Variants in DYM observed in about 807,000 individuals in gnomAD.
The protein encoded by DYM is dyggve-Melchior-Clausen syndrome protein.
A neutral mutation model predicts 93.1 loss-of-function variants in DYM; 78 were observed. That is an observed-to-expected ratio of 0.84 (90% confidence interval 0.70 to 1.01). The LOEUF is 1.01. Ranked by LOEUF, DYM falls within the 50% of genes least tolerant of loss-of-function variation. The pLI is 0.00. For synonymous variants in DYM, 321 were observed against 319.7 expected (o/e 1.00, Z -0.04); for missense variants, 789 against 845.0 (o/e 0.93, Z 0.82).
At chr18:49,080,756 C>T (rs1268305078) in intron 17 of DYM, among the ~76,000 whole-genome samples, 8 of 146,512 alleles carry the variant, frequency 5.5e-5, no homozygotes, top group African/African-American at 1.8e-4. Flanking sequence ...GGGGCAGCTC[C>T]GGGCGGAGGG....
intron 10 of DYM, among the ~76,000 whole-genome samples, chr18:49,277,807 A>C (rs2094881344): frequency 6.6e-6 from 1 of 152,224 alleles, no homozygotes; most frequent in Non-Finnish European, 1.5e-5. Context: ...ATGTTTGTTA[A>C]AGCAGTCAGG....
intron 15 of DYM, among the ~76,000 whole-genome samples, chr18:49,148,882 A>G (rs2085474602): frequency 6.6e-6 from 1 of 152,214 alleles, no homozygotes; most frequent in Admixed American, 6.5e-5. Context: ...TTTTCCACGG[A>G]TGCAGGGTGG....
At position 49,041,756 on chromosome 18, in the gene DYM, G is replaced by A. The variant is rs1222396535; in HGVS notation, c.*2299C>T. The A allele has an allele frequency of 6.6e-6, 1 of 152,258 alleles. No individual in the cohort carries two copies. Among genetic ancestry groups the A allele is most frequent in the Non-Finnish European group, 1.5e-5 (1 of 68,084 alleles). 9.4% of individuals were successfully genotyped at this position (152,258 alleles called of 1,614,324 possible). A position where few individuals can be genotyped will look rare whatever the true frequency, so the allele number is the denominator to read the frequency against. On this transcript the variant is annotated 3_prime_UTR_variant, in exon 18 of 18. Coordinates refer to ENST00000675505, the MANE Select transcript of DYM (RefSeq NM_001353214.3). ...GGCACCTCAGTGAGCCCAGAGGCCT[G>A]GAGGAGAGGCTGTATGATTCCCCAG...
intron 10 of DYM, among the ~76,000 whole-genome samples, chr18:49,273,138 C>T (rs1193766204): frequency 2.0e-5 from 3 of 152,138 alleles, no homozygotes; most frequent in Non-Finnish European, 1.5e-5. Context: ...ATGCCTGGGG[C>T]ATACGTGTTT....
At chr18:49,395,841 G>A (rs1353017594) in intron 2 of DYM, among the ~76,000 whole-genome samples, 1 of 152,092 alleles carries the variant, frequency 6.6e-6, no homozygotes, top group Non-Finnish European at 1.5e-5. Context: ...CTATAATTTG[G>A]ATGTTTGATC....
At chr18:49,078,144 C>A (rs368404119) in intron 17 of DYM, among the ~76,000 whole-genome samples, 1 of 152,050 alleles carries the variant, frequency 6.6e-6, no homozygotes, top group African/African-American at 2.4e-5. Context: ...TGACAATATA[C>A]ACTCTTAACT....
At chr18:49,197,653 C>T (rs536659840) in intron 14 of DYM, among the ~76,000 whole-genome samples, 1 of 152,192 alleles carries the variant, frequency 6.6e-6, no homozygotes, top group East Asian at 1.9e-4. Context: ...GAGTAAAATA[C>T]CTAGGAATCC....
intron 5 of DYM, among the ~76,000 whole-genome samples, chr18:49,376,154 T>C (rs2067488859): frequency 6.6e-6 from 1 of 152,154 alleles, no homozygotes; most frequent in African/African-American, 2.4e-5. Flanking sequence ...CCTTCATATA[T>C]ACATCTATGC....
At chr18:49,383,696 T>C (rs1018724246) in intron 3 of DYM, among the ~76,000 whole-genome samples, 1 of 152,238 alleles carries the variant, frequency 6.6e-6, no homozygotes, top group Admixed American at 6.5e-5. Context: ...AAACCAGATA[T>C]ATTTATTTAT....
chr18:49,118,652 C>G, intron 16 of DYM, 92 bp downstream of exon 16: 1 of 1,196,962 alleles, frequency 8.4e-7, no homozygotes, highest in Non-Finnish European at 1.2e-6. Flanking sequence ...AGAAGAAACT[C>G]TTACTATTAT....
At chr18:49,439,189 G>A (rs1391996061) in intron 1 of DYM, among the ~76,000 whole-genome samples, 1 of 152,098 alleles carries the variant, frequency 6.6e-6, no homozygotes, top group Admixed American at 6.6e-5. Flanking sequence ...TTTAACTCAA[G>A]GGTAATATAT....
At chr18:49,365,784 T>C (rs539084494) in intron 5 of DYM, among the ~76,000 whole-genome samples, 1 of 152,322 alleles carries the variant, frequency 6.6e-6, no homozygotes, top group Non-Finnish European at 1.5e-5. Context: ...GAACCACAGA[T>C]GGTGCCTGAT....
At chr18:49,055,395 C>A (rs1220108324) in intron 17 of DYM, among the ~76,000 whole-genome samples, 4 of 152,124 alleles carry the variant, frequency 2.6e-5, no homozygotes, top group Admixed American at 6.5e-5. Context: ...AAGTTGCCTA[C>A]GCGTCAACTC....
intron 8 of DYM, among the ~76,000 whole-genome samples, chr18:49,330,258 T>C (rs1044139382): frequency 2.8e-4 from 43 of 152,190 alleles, no homozygotes; most frequent in African/African-American, 1.0e-3. Context: ...CATAAATCTA[T>C]TTTAATGCAC....
chr18:49,165,947 G>C (rs1272241693), intron 14 of DYM, among the ~76,000 whole-genome samples: 1 of 152,160 alleles, frequency 6.6e-6, no homozygotes. Flanking sequence ...GCAAAAGTAG[G>C]AGAGAGCAAG....
chr18:49,122,935 C>T (rs375081647), intron 15 of DYM, among the ~76,000 whole-genome samples: 1 of 152,134 alleles, frequency 6.6e-6, no homozygotes, highest in African/African-American at 2.4e-5. Context: ...TTGATAGTGT[C>T]CAGTATAGAT....
intron 8 of DYM, among the ~76,000 whole-genome samples, chr18:49,309,901 CA>C (rs2061489342): frequency 6.6e-6 from 1 of 152,106 alleles, no homozygotes; most frequent in Non-Finnish European, 1.5e-5. Context: ...GGGTCGAAAT[CA>C]ACCCTATCCA....
chr18:49,161,254 A>G (rs529452704), intron 15 of DYM, among the ~76,000 whole-genome samples: 3 of 152,342 alleles, frequency 2.0e-5, no homozygotes, highest in Admixed American at 6.5e-5. Flanking sequence ...AGCAGAATTC[A>G]CAGGACTGTT....
chr18:49,289,369 TAAC>T (rs1352603830), intron 8 of DYM, among the ~76,000 whole-genome samples: 3 of 66,424 alleles, frequency 4.5e-5, no homozygotes, highest in African/African-American at 1.9e-4. Flanking sequence ...GTAACATGCA[TAAC>T]AAAAGGATTT....
Sources: gnomAD v4.1 joint callset for allele counts (sites outside exome capture counted in the v4.1 genomes callset) on GRCh38, gnomAD v4.1.1 for gene constraint, MANE v1.5 for transcripts, NCBI Gene and HGNC (gene_info 2026-07-23, HGNC 2026-07-21) for gene names.